The following RSF1 variants were observed in gnomAD, a reference collection of about 807,000 sequenced individuals.
RSF1 encodes HBV pX-associated protein 8.
Under a neutral mutation model 145.2 loss-of-function variants are expected in RSF1, and 13 were observed. The observed-to-expected ratio is 0.09, with a 90% CI of 0.06 to 0.14. The LOEUF (loss-of-function observed/expected upper bound fraction) is 0.14, where lower values mean the gene tolerates loss of function less well. RSF1 is among the 10% of genes least tolerant of loss of function. The pLI, the probability that RSF1 is intolerant of heterozygous loss-of-function variation, is 1.00. For synonymous variants in RSF1, 577 were observed against 592.6 expected, an observed-to-expected ratio of 0.97 and a Z score of 0.38; for missense variants, 1,517 against 1,718.2, an observed-to-expected ratio of 0.88 and a Z score of 2.07.
intron 4 of RSF1, among the ~76,000 whole-genome samples, chr11:77,727,643 ATT>A (rs1961091466): frequency 6.6e-6 from 1 of 151,702 alleles, no homozygotes; most frequent in Non-Finnish European, 1.5e-5. Context: ...CGCCTGGCTA[ATT>A]TCTTTTGTAA....
At chr11:77,795,054 G>C (rs373037747) in intron 1 of RSF1, among the ~76,000 whole-genome samples, 1 of 151,800 alleles carries the variant, frequency 6.6e-6, no homozygotes, top group African/African-American at 2.4e-5. Flanking sequence ...CACCAATAAC[G>C]CAAGAGCGAA....
At chr11:77,863,704 G>A in the RSF1 span, among the ~76,000 whole-genome samples, 5 of 151,814 alleles carry the variant, frequency 3.3e-5, no homozygotes, top group East Asian at 3.9e-4. Context: ...TTTATGAGAC[G>A]AAGTCTCACT....
chr11:77,727,473 C>CTTT (rs59747840), intron 4 of RSF1, among the ~76,000 whole-genome samples: 14,119 of 112,032 alleles, frequency 0.13, 1,373 homozygotes, highest in African/African-American at 0.18. Context: ...ACTTCCACTA[C>CTTT]TTTTTTTTTT....
rs548087889 is a variant in RSF1 at position 77,702,570 on chromosome 11, A to C, written c.734-75T>G. 86 of 903,106 alleles carry C rather than the reference A, an allele frequency of 9.5e-5. 1 individual carries two copies. The South Asian group carries it at 2.9e-3, about 31-fold the overall frequency. 55.9% of individuals were successfully genotyped at this position (903,106 alleles called of 1,614,324 possible). A position where few individuals can be genotyped will look rare whatever the true frequency, so the allele number is the denominator to read the frequency against. On this transcript the variant is annotated intron_variant, in intron 5 of 15. Coordinates refer to ENST00000308488, the MANE Select transcript of RSF1 (RefSeq NM_016578.4). The stretch of plus-strand genomic sequence containing the variant: ...TAAAATATAAGACTTAGTATAATGT[A>C]TATTTCCATTTAAAGTTTCTATTTT...
At chr11:77,680,162 A>G (rs9666484) in intron 11 of RSF1, among the ~76,000 whole-genome samples, 112,495 of 152,150 alleles carry the variant, frequency 0.74, 42,260 homozygotes, top group African/African-American at 0.88. Context: ...ACTAAAAGCT[A>G]GGGCTGGGTG....
At chr11:77,758,338 T>G (rs192902061) in intron 2 of RSF1, among the ~76,000 whole-genome samples, 3 of 152,204 alleles carry the variant, frequency 2.0e-5, no homozygotes, top group African/African-American at 4.8e-5. Flanking sequence ...TTCTGTTCAA[T>G]GCAAAATCCA....
At chr11:77,869,937 C>A in the RSF1 span, 2 of 909,410 alleles carry the variant, frequency 2.2e-6, no homozygotes, top group Non-Finnish European at 3.5e-6. Context: ...ATTTTGCTGA[C>A]CCAGGATAGC....
Position 77,665,649 on chromosome 11 carries a change from CTA to C in RSF1, c.*1266_*1267del, listed in dbSNP as rs1363425713. ...TTACATCGGCAGTTCTCATTCAACT[CTA>C]TGTTGGTTGTATGACTATTAATGAA... On this transcript the variant is annotated 3_prime_UTR_variant, in exon 16 of 16. Transcript: ENST00000308488. 5.3e-5 allele frequency: 8 copies of C among 152,182 alleles called. No individual in the cohort carries two copies. The highest frequency in any genetic ancestry group is 1.3e-4 in the Admixed American group (2 of 15,284). The allele number at this position is 152,182 out of a possible 1,614,324, so 9.4% of individuals were successfully genotyped here. A position where few individuals can be genotyped will look rare whatever the true frequency, so the allele number is the denominator to read the frequency against.
intron 1 of RSF1, among the ~76,000 whole-genome samples, chr11:77,785,905 G>A (rs1443004248): frequency 2.8e-5 from 3 of 106,112 alleles, no homozygotes; most frequent in Non-Finnish European, 5.1e-5. Context: ...CAACCTGGGC[G>A]ACAGAGTGAG....
At chr11:77,731,054 CAGA>C (rs1315700705) in intron 4 of RSF1, among the ~76,000 whole-genome samples, 3 of 152,010 alleles carry the variant, frequency 2.0e-5, no homozygotes, top group East Asian at 1.9e-4. Context: ...TTGGAGGGCT[CAGA>C]AGAAGATATG....
rs11237276 is a variant in RSF1 at position 77,729,574 on chromosome 11, C to A, written c.579-3875G>T. ...AAAAAATAACAAAAATAAACAGACG[C>A]CCCTGAACCCCAACCCCACAAAAAA... On this transcript the variant is annotated intron_variant, in intron 4 of 15. Coordinates refer to ENST00000308488, the MANE Select transcript of RSF1 (RefSeq NM_016578.4). Among the ~76,000 whole-genome samples the A allele has an allele frequency of 2.2e-4, 34 of 151,508 alleles. No homozygotes were observed. The East Asian group carries it at 6.2e-3, about 28-fold the overall frequency.
At chr11:77,868,570 G>A in the RSF1 span, among the ~76,000 whole-genome samples, 1 of 147,360 alleles carries the variant, frequency 6.8e-6, no homozygotes, top group African/African-American at 2.5e-5. Flanking sequence ...TGTTGACCAG[G>A]CTGGTATCAA....
At chr11:77,724,611 AAC>A (rs1438082079) in intron 5 of RSF1, among the ~76,000 whole-genome samples, 1 of 152,190 alleles carries the variant, frequency 6.6e-6, no homozygotes, top group Non-Finnish European at 1.5e-5. Flanking sequence ...GGCACCAGGA[AAC>A]AGTTTCGTGG....
At chr11:77,770,873 C>A (rs2135944402) in intron 1 of RSF1, among the ~76,000 whole-genome samples, 1 of 152,282 alleles carries the variant, frequency 6.6e-6, no homozygotes, top group South Asian at 2.1e-4. Context: ...TATGAAGAGA[C>A]AAGGCCTCTA....
upstream of RSF1, among the ~76,000 whole-genome samples, chr11:77,823,621 CAAAA>C (rs397970373): frequency 3.1e-5 from 3 of 97,652 alleles, no homozygotes; most frequent in African/African-American, 1.2e-4. Context: ...CACCCTGTCT[CAAAA>C]AAAAAAAAAA....
At chr11:77,839,347 A>G in the RSF1 span, among the ~76,000 whole-genome samples, 1 of 152,132 alleles carries the variant, frequency 6.6e-6, no homozygotes, top group Non-Finnish European at 1.5e-5. Flanking sequence ...GTCTCCCAAT[A>G]GGAATGCTTT....
chr11:77,852,224 C>CAAAAAAATAAAAAAAAA, the RSF1 span, among the ~76,000 whole-genome samples: 1 of 33,530 alleles, frequency 3.0e-5, no homozygotes, highest in African/African-American at 1.8e-4. Flanking sequence ...GACACTGTCT[C>CAAAAAAATAAAAAAAAA]AAAAAAAAAA....
At chr11:77,782,575 T>C (rs907179315) in intron 1 of RSF1, among the ~76,000 whole-genome samples, 1 of 151,332 alleles carries the variant, frequency 6.6e-6, no homozygotes, top group Admixed American at 6.6e-5. Flanking sequence ...AGCAAACTAC[T>C]GCCCACAAGG....
Position 77,671,241 on chromosome 11 carries a change from A to G in RSF1, c.3751+801T>C, listed in dbSNP as rs570523113. On this transcript the variant is annotated intron_variant, in intron 15 of 15. Transcript: ENST00000308488. ...ATATATATAATTTAAGTAAAACAAA[A>G]AAGACTAAATGGATGTAAGAAATTC... 3.7e-3 allele frequency among the ~76,000 whole-genome samples: 540 copies of G among 144,044 alleles called. 5 individuals are homozygous for G. The highest frequency in any genetic ancestry group is 9.5e-3 in the South Asian group (43 of 4,524). The allele number at this position is 144,044 out of a possible 152,430, so 94.5% of individuals were successfully genotyped here.
Sources: allele counts gnomAD v4.1 joint callset (sites outside exome capture counted in the v4.1 genomes callset), GRCh38; gene constraint gnomAD v4.1.1; transcripts MANE v1.5; gene names NCBI Gene and HGNC (gene_info 2026-07-23, HGNC 2026-07-21).